Variants in SLC38A1 observed in about 807,000 individuals in gnomAD.
SLC38A1 encodes the protein solute carrier family 38 member 1.
A neutral mutation model predicts 60.3 loss-of-function variants in SLC38A1; 18 were observed. The observed-to-expected ratio is 0.30, with a 90% confidence interval of 0.21 to 0.44. The LOEUF (loss-of-function observed/expected upper bound fraction) is 0.44. Ranked by LOEUF, SLC38A1 falls within the 20% of genes least tolerant of loss-of-function variation. The pLI, the probability that SLC38A1 is intolerant of heterozygous loss-of-function variation, is 1.00. For missense variants in SLC38A1, 448 were observed against 587.2 expected, an observed-to-expected ratio of 0.76 and a Z score of 2.45; for synonymous variants, 196 against 212.1, an observed-to-expected ratio of 0.92 and a Z score of 0.66.
chr12:46,234,930 GTGC>G (rs947490316), intron 3 of SLC38A1, among the ~76,000 whole-genome samples: 2 of 152,116 alleles, frequency 1.3e-5, no homozygotes, highest in African/African-American at 4.8e-5. Context: ...ATGGAAGAAG[GTGC>G]CTTTGACATG....
In SLC38A1 at chr12:46,239,896, A is replaced by G; in HGVS notation, c.-93-3T>C. ...ACCAAAATGGAAGCTTGACACCCCT[A>G]AAATATAGCAAAATAAAAAAATAAC... is the stretch of plus-strand genomic sequence containing the variant. On this transcript the variant is annotated splice_region_variant and splice_polypyrimidine_tract_variant and intron_variant, in intron 2 of 16. Transcript: ENST00000398637. 1 of 1,053,556 alleles carries G rather than the reference A, an allele frequency of 9.5e-7. No individual in the cohort carries two copies. The highest frequency in any genetic ancestry group is 1.4e-6 in the Non-Finnish European group (1 of 724,782). 65.3% of individuals were successfully genotyped at this position (1,053,556 alleles called of 1,614,324 possible).
intron 5 of SLC38A1, among the ~76,000 whole-genome samples, chr12:46,218,210 C>T (rs1195772630): frequency 6.6e-6 from 1 of 152,140 alleles, no homozygotes; most frequent in Non-Finnish European, 1.5e-5. Context: ...GTGGGCACTC[C>T]ATTTATAACT....
At chr12:46,215,190 C>T (rs2137452600) in intron 5 of SLC38A1, among the ~76,000 whole-genome samples, 1 of 152,320 alleles carries the variant, frequency 6.6e-6, no homozygotes, top group Non-Finnish European at 1.5e-5. Context: ...CTGTTTCTCA[C>T]CACACTGTGC....
intron 1 of SLC38A1, among the ~76,000 whole-genome samples, chr12:46,256,857 C>T (rs550266580): frequency 1.3e-4 from 20 of 152,286 alleles, no homozygotes; most frequent in African/African-American, 4.3e-4. Flanking sequence ...GTGCTTAACA[C>T]CCAATATCAA....
At chr12:46,256,994 G>A (rs1470275521) in intron 1 of SLC38A1, among the ~76,000 whole-genome samples, 1 of 152,172 alleles carries the variant, frequency 6.6e-6, no homozygotes, top group African/African-American at 2.4e-5. Context: ...AAAGGAGAGA[G>A]AGAAAAGCAT....
intron 11 of SLC38A1, among the ~76,000 whole-genome samples, chr12:46,203,455 C>T (rs1939752681): frequency 6.6e-6 from 1 of 152,184 alleles, no homozygotes; most frequent in South Asian, 2.1e-4. Flanking sequence ...TGGCTGTTCT[C>T]CTGGCTCCCT....
At chr12:46,253,764 C>A (rs952485756) in intron 1 of SLC38A1, among the ~76,000 whole-genome samples, 2 of 152,138 alleles carry the variant, frequency 1.3e-5, no homozygotes, top group Non-Finnish European at 2.9e-5. Context: ...ACATTTCCCC[C>A]CTCCCTTTTA....
At chr12:46,196,272 A>G in intron 16 of SLC38A1, 1 of 1,535,828 alleles carries the variant, frequency 6.5e-7, no homozygotes, top group Non-Finnish European at 8.7e-7. Context: ...GAGGAAGAGA[A>G]AGAGCTAAGG....
chr12:46,216,859 CAA>C (rs112861910), intron 5 of SLC38A1, among the ~76,000 whole-genome samples: 1 of 135,546 alleles, frequency 7.4e-6, no homozygotes, highest in Non-Finnish European at 1.6e-5. Flanking sequence ...GATGCCGTTT[CAA>C]AAAAAAAAAA....
chr12:46,249,864 G>T (rs1490130030), intron 1 of SLC38A1, among the ~76,000 whole-genome samples: 1 of 152,052 alleles, frequency 6.6e-6, no homozygotes, highest in African/African-American at 2.4e-5. Flanking sequence ...CCAAGTAAAA[G>T]AAGTCCAGGA....
intron 16 of SLC38A1, among the ~76,000 whole-genome samples, chr12:46,194,043 A>G (rs1262255256): frequency 1.3e-5 from 2 of 152,100 alleles, no homozygotes; most frequent in South Asian, 2.1e-4. Context: ...GGTCTTTACC[A>G]TTTGGCATGT....
chr12:46,262,250 G>GT (rs1309956150), intron 1 of SLC38A1, among the ~76,000 whole-genome samples: 1 of 152,020 alleles, frequency 6.6e-6, no homozygotes, highest in East Asian at 1.9e-4. Flanking sequence ...TATGATGTTG[G>GT]TAACTAACCT....
intron 1 of SLC38A1, among the ~76,000 whole-genome samples, chr12:46,264,245 G>C (rs1942285734): frequency 6.6e-6 from 1 of 152,184 alleles, no homozygotes; most frequent in African/African-American, 2.4e-5. Flanking sequence ...TCTCAGCTCT[G>C]CTCTCATTGT....
chr12:46,262,185 T>C (rs1041011425), intron 1 of SLC38A1, among the ~76,000 whole-genome samples: 1 of 152,232 alleles, frequency 6.6e-6, no homozygotes, highest in African/African-American at 2.4e-5. Flanking sequence ...ATAATTCCTC[T>C]TGTCTTCAAG....
chr12:46,203,950 T>G (rs1188672463), intron 11 of SLC38A1, among the ~76,000 whole-genome samples: 1 of 152,218 alleles, frequency 6.6e-6, no homozygotes, highest in African/African-American at 2.4e-5. Flanking sequence ...ATATTTCAAC[T>G]GTGCAACCTG....
intron 3 of SLC38A1, among the ~76,000 whole-genome samples, chr12:46,231,860 G>A (rs1941088977): frequency 6.6e-6 from 1 of 152,140 alleles, no homozygotes; most frequent in African/African-American, 2.4e-5. Context: ...GGCTGGTCTT[G>A]AACTCCTGGC....
rs1334799252 is a variant in SLC38A1, at chr12:46,243,238, A to G, written c.-132T>C. On this transcript the variant is annotated 5_prime_UTR_variant, in exon 2 of 17. Transcript: ENST00000398637. Reference sequence around the variant, plus strand: ...AAGCAGAGACGATCACTCTATATATATTGTTGTATGGCCTTCCAGGGTTTT... The same window carrying G: ...AAGCAGAGACGATCACTCTATATATGTTGTTGTATGGCCTTCCAGGGTTTT... The G allele has an allele frequency of 6.6e-6, 1 of 152,030 alleles. No homozygotes were observed. Among genetic ancestry groups the G allele is most frequent in the Non-Finnish European group, 1.5e-5 (1 of 68,008 alleles). 9.4% of individuals were successfully genotyped at this position (152,030 alleles called of 1,614,324 possible).
At chr12:46,205,197 A>G (rs1939839222) in intron 9 of SLC38A1, among the ~76,000 whole-genome samples, 1 of 152,098 alleles carries the variant, frequency 6.6e-6, no homozygotes, top group Admixed American at 6.5e-5. Flanking sequence ...GGACTGCATT[A>G]TTTTCAACCC....
rs913848673 is a variant in SLC38A1 at position 46,268,149 on chromosome 12, G to A, written c.-209+377C>T. On this transcript the variant is annotated intron_variant, in intron 1 of 16. Coordinates refer to ENST00000398637, the MANE Select transcript of SLC38A1 (RefSeq NM_030674.4). This position sits in a 1 kb window ranked among gnomAD's most constrained non-coding sequence, Gnocchi z 4.4. Reference sequence around the variant, plus strand: ...TCCCAGAACACGGTCGCGCCCTCGGGTCAGCTGCGCTCTCCCTCCAGACGT... The same window carrying A: ...TCCCAGAACACGGTCGCGCCCTCGGATCAGCTGCGCTCTCCCTCCAGACGT... Among the ~76,000 whole-genome samples, 2 of 152,156 alleles carry A rather than the reference G, an allele frequency of 1.3e-5. No homozygotes were observed. Among genetic ancestry groups the A allele is most frequent in the African/African-American group, 4.8e-5 (2 of 41,434 alleles).
Sources: gnomAD v4.1 joint callset for allele counts (sites outside exome capture counted in the v4.1 genomes callset) on GRCh38, gnomAD v4.1.1 for gene constraint, Gnocchi (gnomAD v3.1) non-coding constraint, MANE v1.5 for transcripts, NCBI Gene and HGNC (gene_info 2026-07-23, HGNC 2026-07-21) for gene names.